BACH2: variants seen among roughly 807,000 people sequenced by gnomAD.
The protein encoded by BACH2 is transcription regulator protein BACH2.
A neutral mutation model predicts 61.8 loss-of-function variants in BACH2; 5 were observed. The observed-to-expected ratio is 0.08, with a 90% CI of 0.04 to 0.17. The LOEUF (loss-of-function observed/expected upper bound fraction) is 0.17, where lower values mean the gene tolerates loss of function less well. Ranked by LOEUF, BACH2 falls within the 10% of genes least tolerant of loss-of-function variation. The pLI is 1.00. For missense variants in BACH2, 824 were observed against 1,091.1 expected, an observed-to-expected ratio of 0.76 and a Z score of 3.45; for synonymous variants, 446 against 440.1, an observed-to-expected ratio of 1.01 and a Z score of -0.17.
chr6:90,101,392 C>T (rs951914446), intron 4 of BACH2, among the ~76,000 whole-genome samples: 2 of 152,022 alleles, frequency 1.3e-5, no homozygotes, highest in African/African-American at 4.8e-5. Flanking sequence ...TTTTTGTGAT[C>T]CATTTTGAGT....
chr6:90,295,790 C>G (rs1772339863), intron 1 of BACH2, among the ~76,000 whole-genome samples: 1 of 152,210 alleles, frequency 6.6e-6, no homozygotes, highest in South Asian at 2.1e-4. Context: ...TTCCGACAAC[C>G]CGATCTTTCG....
chr6:89,996,438 T>G (rs1224015639), intron 6 of BACH2, among the ~76,000 whole-genome samples: 1 of 152,262 alleles, frequency 6.6e-6, no homozygotes, highest in Non-Finnish European at 1.5e-5. Flanking sequence ...GAATTCCTAT[T>G]GCTTACCTGG....
intron 6 of BACH2, among the ~76,000 whole-genome samples, chr6:90,004,532 T>C (rs1777303580): frequency 1.3e-5 from 2 of 152,150 alleles, no homozygotes; most frequent in African/African-American, 4.8e-5. Context: ...TCCCCTAGCA[T>C]TCTGTCAAGG....
At chr6:90,282,227 T>C (rs1213253745) in intron 1 of BACH2, among the ~76,000 whole-genome samples, 1 of 152,236 alleles carries the variant, frequency 6.6e-6, no homozygotes, top group Non-Finnish European at 1.5e-5. Flanking sequence ...ACTTGTGTCA[T>C]GGAGGTATGC....
intron 4 of BACH2, among the ~76,000 whole-genome samples, chr6:90,101,579 G>C (rs1455040703): frequency 6.6e-6 from 1 of 152,136 alleles, no homozygotes; most frequent in East Asian, 1.9e-4. Context: ...CTATCTTATA[G>C]GATGTTTTGA....
intron 6 of BACH2, among the ~76,000 whole-genome samples, chr6:89,970,704 C>CT (rs1447747040): frequency 6.6e-6 from 1 of 152,168 alleles, no homozygotes; most frequent in African/African-American, 2.4e-5. Flanking sequence ...TTCTGGCCCC[C>CT]CCCAGATCTT....
intron 5 of BACH2, among the ~76,000 whole-genome samples, chr6:90,059,983 G>T: frequency 8.8e-6 from 1 of 113,676 alleles, no homozygotes; most frequent in East Asian, 3.3e-4. Flanking sequence ...TGTGGGGTGG[G>T]GGGAGGGGGG....
intron 7 of BACH2, among the ~76,000 whole-genome samples, chr6:89,946,223 G>A (rs1281735050): frequency 1.3e-5 from 2 of 152,236 alleles, no homozygotes; most frequent in Middle Eastern, 6.8e-3. Flanking sequence ...TCACAGGAAA[G>A]GAAATATAAA....
At chr6:90,200,157 G>A (rs1768909743) in intron 4 of BACH2, among the ~76,000 whole-genome samples, 1 of 152,188 alleles carries the variant, frequency 6.6e-6, no homozygotes, top group Admixed American at 6.5e-5. Context: ...GTATAGTCAA[G>A]AGAGAAAGGG....
chr6:90,121,543 A>T (rs760399961), intron 4 of BACH2, among the ~76,000 whole-genome samples: 1 of 152,064 alleles, frequency 6.6e-6, no homozygotes, highest in Non-Finnish European at 1.5e-5. Context: ...TTATTAATTA[A>T]TTAATTAATT....
intron 4 of BACH2, among the ~76,000 whole-genome samples, chr6:90,182,794 C>T (rs1254733076): frequency 6.6e-6 from 1 of 152,216 alleles, no homozygotes; most frequent in Non-Finnish European, 1.5e-5. Flanking sequence ...CTACACCTCA[C>T]ACAGCGGATC....
At chr6:90,074,790 T>G (rs1781397345) in intron 5 of BACH2, among the ~76,000 whole-genome samples, 2 of 152,138 alleles carry the variant, frequency 1.3e-5, no homozygotes, top group African/African-American at 4.8e-5. Context: ...TTCATTATAT[T>G]CCTTAGAACT....
intron 2 of BACH2, among the ~76,000 whole-genome samples, chr6:90,269,737 T>C (rs1771460409): frequency 6.6e-6 from 1 of 152,200 alleles, no homozygotes; most frequent in Non-Finnish European, 1.5e-5. Flanking sequence ...GCTATATTGT[T>C]TGGATTCCTT....
chr6:90,266,315 C>T (rs1216348593), intron 2 of BACH2, among the ~76,000 whole-genome samples: 2 of 152,144 alleles, frequency 1.3e-5, no homozygotes, highest in Non-Finnish European at 2.9e-5. Context: ...CCACGACTGA[C>T]CCAGCCTCCT....
intron 2 of BACH2, among the ~76,000 whole-genome samples, chr6:90,264,261 T>C (rs1405883087): frequency 3.3e-5 from 5 of 152,330 alleles, no homozygotes; most frequent in African/African-American, 1.2e-4. Context: ...GAAAATGTTC[T>C]TATTCTTCAG....
At chr6:89,959,745 A>C (rs1261840455) in intron 6 of BACH2, among the ~76,000 whole-genome samples, 1 of 152,162 alleles carries the variant, frequency 6.6e-6, no homozygotes, top group Non-Finnish European at 1.5e-5. Flanking sequence ...TTGTAAACTC[A>C]TATGTTGGTT....
At chr6:90,295,651 T>TA in intron 1 of BACH2, among the ~76,000 whole-genome samples, 1 of 130,330 alleles carries the variant, frequency 7.7e-6, no homozygotes, top group African/African-American at 3.4e-5. Context: ...GACTGGAGTG[T>TA]AGGGTGTGTG....
At chr6:89,939,927 C>T (rs1351984820) in intron 7 of BACH2, among the ~76,000 whole-genome samples, 1 of 149,358 alleles carries the variant, frequency 6.7e-6, no homozygotes, top group East Asian at 2.0e-4. Context: ...GTTTCAAACT[C>T]CTGGGCTCAA....
chr6:90,251,839 G>A (rs1339269118), intron 3 of BACH2, among the ~76,000 whole-genome samples: 5 of 152,138 alleles, frequency 3.3e-5, no homozygotes, highest in African/African-American at 1.2e-4. Context: ...AGGATGATAT[G>A]AGAACACTTT....
Sources: allele counts gnomAD v4.1 joint callset (sites outside exome capture counted in the v4.1 genomes callset), GRCh38; gene constraint gnomAD v4.1.1; transcripts MANE v1.5; gene names NCBI Gene and HGNC (gene_info 2026-07-23, HGNC 2026-07-21).